The following ANKRD12 variants were observed in gnomAD, a reference collection of about 807,000 sequenced individuals.
ANKRD12 encodes the protein ankyrin repeat domain 12, also known as ankyrin repeat domain-containing protein 12.
ANKRD12 carries 85 observed loss-of-function variants against 183.4 expected under a neutral mutation model. The observed-to-expected ratio is 0.46, with a 90% CI of 0.39 to 0.56. ANKRD12 has a LOEUF of 0.56. ANKRD12 is among the 20% of genes least tolerant of loss of function. The probability of loss-of-function intolerance (pLI) is 0.00; values close to 1 mark genes in which losing one functional copy is unlikely to be tolerated. For synonymous variants in ANKRD12, 914 were observed against 800.2 expected (o/e 1.14, Z -2.40); for missense variants, 2,405 against 2,357.1 (o/e 1.02, Z -0.42).
At chr18:9,241,005 T>C (rs1228455454) in intron 8 of ANKRD12, among the ~76,000 whole-genome samples, 1 of 152,160 alleles carries the variant, frequency 6.6e-6, no homozygotes, top group Non-Finnish European at 1.5e-5. Flanking sequence ...TGGTACTTAC[T>C]TACAATGGAG....
chr18:9,156,951 G>A (rs2030560478), intron 1 of ANKRD12, among the ~76,000 whole-genome samples: 1 of 152,220 alleles, frequency 6.6e-6, no homozygotes, highest in Non-Finnish European at 1.5e-5. Flanking sequence ...GAGATAGAAA[G>A]AATGGTGATT....
intron 8 of ANKRD12, among the ~76,000 whole-genome samples, chr18:9,227,570 T>C (rs1373901352): frequency 6.6e-6 from 1 of 152,196 alleles, no homozygotes; most frequent in Non-Finnish European, 1.5e-5. Flanking sequence ...CAGTTTTGTA[T>C]TGACCAAAGA....
chr18:9,148,572 A>T (rs1419277709), intron 1 of ANKRD12, among the ~76,000 whole-genome samples: 1 of 152,180 alleles, frequency 6.6e-6, no homozygotes, highest in East Asian at 1.9e-4. Context: ...CAACAGATAA[A>T]TGCTAATTGC....
Position 9,258,921 on chromosome 18 carries a change from G to C in ANKRD12, c.5654G>C (p.Cys1885Ser). 3.1e-6 allele frequency: 5 copies of C among 1,603,042 alleles called. No homozygotes were observed. Among genetic ancestry groups the C allele is most frequent in the Non-Finnish European group, 4.3e-6 (5 of 1,174,098 alleles). Reference sequence around the variant, plus strand: ...GATGGAAACCCCTTAAGCAAGATTTGTATTCCCACAGTAAGTAACATCATC... The same window carrying C: ...GATGGAAACCCCTTAAGCAAGATTTCTATTCCCACAGTAAGTAACATCATC... ...LLDGNPLSKI[C>S]IPTITPPPSL... Residue 1885 changes from cysteine to serine, a missense_variant, in exon 9 of 13, where the codon TGT (cysteine) becomes TCT (serine). Around this residue, in one of 7 missense-constraint regions of ANKRD12, gnomAD observed 162 missense variants for 272.2 expected, o/e 0.60. Transcript: ENST00000262126.
chr18:9,190,936 T>C, intron 2 of ANKRD12, among the ~76,000 whole-genome samples: 1 of 152,206 alleles, frequency 6.6e-6, no homozygotes, highest in Admixed American at 6.5e-5. Context: ...ATCTGCCATA[T>C]CTCCAAGGTA....
chr18:9,246,973 G>T (rs1225838205), intron 8 of ANKRD12, among the ~76,000 whole-genome samples: 1 of 152,150 alleles, frequency 6.6e-6, no homozygotes, highest in African/African-American at 2.4e-5. Context: ...CTGAGTATAG[G>T]AAGTTCAGAG....
At chr18:9,279,016 G>GT (rs2039982991) in intron 11 of ANKRD12, among the ~76,000 whole-genome samples, 1 of 152,010 alleles carries the variant, frequency 6.6e-6, no homozygotes, top group South Asian at 2.1e-4. Context: ...AGATCACGTA[G>GT]TAAGATACAG....
At chr18:9,169,565 G>A (rs894666087) in intron 1 of ANKRD12, among the ~76,000 whole-genome samples, 6 of 151,928 alleles carry the variant, frequency 3.9e-5, no homozygotes, top group African/African-American at 9.7e-5. Flanking sequence ...CATTTGCTTG[G>A]TAGATCTTCC....
At chr18:9,171,471 A>G (rs1214131239) in intron 1 of ANKRD12, among the ~76,000 whole-genome samples, 1 of 152,130 alleles carries the variant, frequency 6.6e-6, no homozygotes, top group African/African-American at 2.4e-5. Context: ...TGTCATCATG[A>G]TGCTAGCTGG....
chr18:9,247,679 C>T (rs992236862), intron 8 of ANKRD12, among the ~76,000 whole-genome samples: 4 of 152,034 alleles, frequency 2.6e-5, no homozygotes, highest in African/African-American at 4.8e-5. Flanking sequence ...TCCTTTCTTT[C>T]CTATGTTCTT....
chr18:9,225,863 T>C (rs1294043146), intron 8 of ANKRD12, among the ~76,000 whole-genome samples: 1 of 152,056 alleles, frequency 6.6e-6, no homozygotes, highest in Non-Finnish European at 1.5e-5. Context: ...GAACATCCTG[T>C]ACCCACTAAC....
intron 10 of ANKRD12, among the ~76,000 whole-genome samples, chr18:9,266,705 C>T (rs564373033): frequency 4.7e-4 from 72 of 152,276 alleles, no homozygotes; most frequent in African/African-American, 1.7e-3. Context: ...GAAATTGCAT[C>T]AACTAACAAG....
intron 1 of ANKRD12, among the ~76,000 whole-genome samples, chr18:9,157,581 G>GTATATATATATATA (rs1221750938): frequency 1.4e-4 from 15 of 109,342 alleles, no homozygotes; most frequent in African/African-American, 4.4e-4. Context: ...GTGTGTGTGT[G>GTATATATATATATA]TGTGTATATA....
chr18:9,224,085 C>G (rs943161514), intron 8 of ANKRD12, among the ~76,000 whole-genome samples: 1 of 152,110 alleles, frequency 6.6e-6, no homozygotes, highest in Non-Finnish European at 1.5e-5. Context: ...CCAGGAGTTG[C>G]TTTTCTGACA....
At chr18:9,279,956 GTTTTC>G in intron 12 of ANKRD12, among the ~76,000 whole-genome samples, 1 of 152,158 alleles carries the variant, frequency 6.6e-6, no homozygotes, top group South Asian at 2.1e-4. Flanking sequence ...AAGGAATATA[GTTTTC>G]AAATCTATAA....
At chr18:9,141,645 TA>T (rs1212412256) in intron 1 of ANKRD12, among the ~76,000 whole-genome samples, 10 of 152,084 alleles carry the variant, frequency 6.6e-5, no homozygotes, top group African/African-American at 1.2e-4. Context: ...TCTTTGGCTT[TA>T]AAAAAAATTC....
chr18:9,265,858 AGTTAAAAAC>A lies in ANKRD12; in HGVS notation c.5763+1971_5763+1979del, dbSNP rs541955767. 7.6e-3 allele frequency among the ~76,000 whole-genome samples: 1,151 copies of A among 152,334 alleles called. 20 individuals are homozygous for A. Among genetic ancestry groups the A allele is most frequent in the African/African-American group, 0.026 (1,088 of 41,568 alleles). On this transcript the variant is annotated intron_variant, in intron 10 of 12. Coordinates refer to ENST00000262126, the MANE Select transcript of ANKRD12 (RefSeq NM_015208.5). ...AGGAAGTTCGAACCCATGGCAAAGA[AGTTAAAAAC>A]CTTGAAAAAAGATTAGACGAATGGC... is the stretch of plus-strand genomic sequence containing the variant.
chr18:9,262,564 A>G (rs1032117101), intron 9 of ANKRD12, among the ~76,000 whole-genome samples: 22 of 151,948 alleles, frequency 1.4e-4, no homozygotes, highest in African/African-American at 4.8e-4. Context: ...GACTCAAGCT[A>G]TCCTCCCATC....
chr18:9,180,026 C>T (rs1368240617), intron 1 of ANKRD12, among the ~76,000 whole-genome samples: 1 of 152,148 alleles, frequency 6.6e-6, no homozygotes, highest in African/African-American at 2.4e-5. Flanking sequence ...ATAATCCTTG[C>T]TGATGTTATG....
Sources: gnomAD v4.1 joint callset for allele counts (sites outside exome capture counted in the v4.1 genomes callset) on GRCh38, gnomAD v4.1.1 for gene constraint, gnomAD v4.1.1 regional missense constraint, MANE v1.5 for transcripts, NCBI Gene and HGNC (gene_info 2026-07-23, HGNC 2026-07-21) for gene names.